RAB11FIP4: variants seen among roughly 807,000 people sequenced by gnomAD.
RAB11FIP4 encodes rab11 family-interacting protein 4.
RAB11FIP4 carries 23 observed loss-of-function variants against 74.3 expected under a neutral mutation model. The observed-to-expected ratio is 0.31, with a 90% confidence interval of 0.22 to 0.44. The LOEUF (loss-of-function observed/expected upper bound fraction) is 0.44. Among genes scored for constraint, RAB11FIP4 ranks in the 20% least tolerant of loss-of-function variants. The pLI is 1.00. For missense variants in RAB11FIP4, 630 were observed against 863.9 expected (o/e 0.73, Z 3.39); for synonymous variants, 360 against 359.9 (o/e 1.00, Z 0.00).
intron 3 of RAB11FIP4, among the ~76,000 whole-genome samples, chr17:31,447,667 C>G (rs964265614): frequency 1.3e-5 from 2 of 151,926 alleles, no homozygotes; most frequent in Non-Finnish European, 2.9e-5. Flanking sequence ...GGATTACACA[C>G]GCGCACCCCC....
At chr17:31,470,136 C>T (rs927495478) in intron 3 of RAB11FIP4, among the ~76,000 whole-genome samples, 2 of 152,138 alleles carry the variant, frequency 1.3e-5, no homozygotes, top group Admixed American at 6.5e-5. Context: ...GCCTGAGAGT[C>T]GCTGCTTCTG....
chr17:31,485,658 G>A (rs1305387930), intron 3 of RAB11FIP4, among the ~76,000 whole-genome samples: 1 of 152,180 alleles, frequency 6.6e-6, no homozygotes. Context: ...AGGTCTCAGG[G>A]TGGAGATGGG....
In RAB11FIP4 at chr17:31,439,069, G is replaced by A. The variant is rs935354488; in HGVS notation, c.336+4947G>A. On this transcript the variant is annotated intron_variant, in intron 3 of 14. Coordinates refer to ENST00000621161, the MANE Select transcript of RAB11FIP4 (RefSeq NM_032932.6). ...TGGGGGCCCTTCACCCTCTACCACT[G>A]CCTGAACCTCACCCTTCATGACAGC... Among the ~76,000 whole-genome samples the A allele has an allele frequency of 3.3e-5, 5 of 152,212 alleles. No individual in the cohort carries two copies. The East Asian group carries it at 7.7e-4, about 23-fold the overall frequency.
At chr17:31,497,348 A>G (rs2072136304) in intron 3 of RAB11FIP4, among the ~76,000 whole-genome samples, 1 of 152,008 alleles carries the variant, frequency 6.6e-6, no homozygotes, top group African/African-American at 2.4e-5. Flanking sequence ...TGGGCGACAG[A>G]GCGATACTCC....
At chr17:31,457,657 G>A (rs1462277237) in intron 3 of RAB11FIP4, among the ~76,000 whole-genome samples, 1 of 151,988 alleles carries the variant, frequency 6.6e-6, no homozygotes, top group Non-Finnish European at 1.5e-5. Flanking sequence ...GGCTGTTACA[G>A]CCTGGGGGTG....
chr17:31,428,805 G>C (rs151111801), intron 1 of RAB11FIP4, among the ~76,000 whole-genome samples: 3 of 152,118 alleles, frequency 2.0e-5, no homozygotes, highest in Non-Finnish European at 4.4e-5. Flanking sequence ...TGAGCCAGGC[G>C]TGGTGGCGTG....
chr17:31,444,491 T>C (rs1241830317), intron 3 of RAB11FIP4, among the ~76,000 whole-genome samples: 1 of 152,152 alleles, frequency 6.6e-6, no homozygotes, highest in African/African-American at 2.4e-5. Flanking sequence ...AGTGCAGATA[T>C]GGAAGCCCCT....
intron 3 of RAB11FIP4, among the ~76,000 whole-genome samples, chr17:31,493,030 C>G (rs1397458812): frequency 6.6e-6 from 1 of 152,056 alleles, no homozygotes; most frequent in Admixed American, 6.6e-5. Context: ...AGAGGGGTGG[C>G]TGTGATGGCC....
Position 31,533,056 on chromosome 17 carries a change from C to T in RAB11FIP4, c.*1324C>T, listed in dbSNP as rs2072898972. ...ATAAACGTGTGTGGTCTTATTCTTC[C>T]CCCTGCAGTTTCTTGCTTTCTTCAG... On this transcript the variant is annotated 3_prime_UTR_variant, in exon 15 of 15. Coordinates refer to ENST00000621161, the MANE Select transcript of RAB11FIP4 (RefSeq NM_032932.6). 1 of 152,072 alleles carries T rather than the reference C, an allele frequency of 6.6e-6. No individual in the cohort carries two copies. Among genetic ancestry groups the T allele is most frequent in the East Asian group, 1.9e-4 (1 of 5,196 alleles). 9.4% of individuals were successfully genotyped at this position (152,072 alleles called of 1,614,324 possible).
intron 2 of RAB11FIP4, among the ~76,000 whole-genome samples, chr17:31,433,498 G>A (rs1470124443): frequency 6.6e-6 from 1 of 152,240 alleles, no homozygotes; most frequent in Non-Finnish European, 1.5e-5. Context: ...CAGGCATTTT[G>A]TCAGGTCCCC....
chr17:31,402,179 A>C (rs1194615144), intron 1 of RAB11FIP4, among the ~76,000 whole-genome samples: 1 of 133,396 alleles, frequency 7.5e-6, no homozygotes, highest in Non-Finnish European at 1.6e-5. Context: ...TAGCCTCCCC[A>C]TCTGTCCATG....
At chr17:31,451,869 G>C (rs986342623) in intron 3 of RAB11FIP4, among the ~76,000 whole-genome samples, 8 of 150,190 alleles carry the variant, frequency 5.3e-5, no homozygotes, top group Middle Eastern at 3.4e-3. Flanking sequence ...TTATTTCCTT[G>C]AGTATGCACC....
chr17:31,392,308 A>C (rs1448893838), intron 1 of RAB11FIP4: 1 of 247,702 alleles, frequency 4.0e-6, no homozygotes, highest in Non-Finnish European at 7.8e-6. Context: ...CTGCACATCC[A>C]CCCTTGTCTG....
chr17:31,447,176 C>T (rs191268123), intron 3 of RAB11FIP4, among the ~76,000 whole-genome samples: 270 of 152,248 alleles, frequency 1.8e-3, no homozygotes, highest in African/African-American at 5.9e-3. Flanking sequence ...CCCAGCTACT[C>T]GGGAGGCTGA....
intron 3 of RAB11FIP4, among the ~76,000 whole-genome samples, chr17:31,504,000 A>G (rs2072269761): frequency 1.3e-5 from 2 of 149,680 alleles, no homozygotes; most frequent in Non-Finnish European, 2.9e-5. Flanking sequence ...GAAAACTATA[A>G]TGAGATATCA....
chr17:31,472,393 C>T (rs928382171), intron 3 of RAB11FIP4, among the ~76,000 whole-genome samples: 2 of 152,162 alleles, frequency 1.3e-5, no homozygotes, highest in Non-Finnish European at 2.9e-5. Context: ...CTGGGCCTTA[C>T]GCGCTGAGTC....
rs536620622 is a variant in RAB11FIP4 at position 31,527,936 on chromosome 17, T to C, written c.1356+13T>C. The C allele has an allele frequency of 2.5e-6, 4 of 1,584,812 alleles. No homozygotes were observed. The East Asian group carries it at 6.8e-5, about 27-fold the overall frequency. On this transcript the variant is annotated intron_variant, in intron 11 of 14. Transcript: ENST00000621161. ...GAAACTGGATGAGGTGAGCAGCAGA[T>C]CCAGGCTTGGAGGGGCAGGGCTGGC... is the stretch of plus-strand genomic sequence containing the variant.
At chr17:31,488,904 G>A (rs1053485326) in intron 3 of RAB11FIP4, among the ~76,000 whole-genome samples, 29 of 152,274 alleles carry the variant, frequency 1.9e-4, no homozygotes, top group Non-Finnish European at 4.0e-4. Context: ...AGGTCCTGGC[G>A]GCGCAGTCTC....
intron 3 of RAB11FIP4, among the ~76,000 whole-genome samples, chr17:31,439,787 T>G (rs527793089): frequency 1.2e-4 from 18 of 152,114 alleles, no homozygotes; most frequent in South Asian, 2.1e-4. Context: ...ATTTTTGTTT[T>G]TTTGTTTGTT....
Sources: allele counts gnomAD v4.1 joint callset (sites outside exome capture counted in the v4.1 genomes callset), GRCh38; gene constraint gnomAD v4.1.1; transcripts MANE v1.5; gene names NCBI Gene and HGNC (gene_info 2026-07-23, HGNC 2026-07-21).